Variants in HMGXB4 observed in about 807,000 individuals in gnomAD.
HMGXB4 encodes HMG-box containing 4, also known as HMG domain-containing protein 4.
HMGXB4 carries 27 observed loss-of-function variants against 63.9 expected under a neutral mutation model. The ratio of observed to expected loss-of-function variants is 0.42; its 90% CI spans 0.31 to 0.58. HMGXB4 has a LOEUF of 0.58. HMGXB4 is among the 20% of genes least tolerant of loss of function. The pLI is 0.13. For missense variants in HMGXB4, 624 were observed against 700.7 expected (o/e 0.89, Z 1.24); for synonymous variants, 264 against 265.3 (o/e 0.99, Z 0.05).
At chr22:35,253,620 T>C (rs913467524), upstream of HMGXB4, among the ~76,000 whole-genome samples, 6 of 151,866 alleles carry the variant, frequency 4.0e-5, no homozygotes, top group African/African-American at 1.5e-4. Context: ...CGCGCGCGTG[T>C]GTGTGTGTGT....
intron 1 of HMGXB4, 196 bp from the exon 2 acceptor site, chr22:35,262,127 A>G (rs1922898268): frequency 2.5e-6 from 1 of 401,180 alleles, no homozygotes. Flanking sequence ...CATGACTGAA[A>G]TCTAATTAAG....
In HMGXB4 at chr22:35,293,771, A is replaced by T; in HGVS notation, c.*120A>T. ...AGGTTTTAAATTTTTATATCTATACATACATATATACATATATATATAATG... is the reference window on the plus strand; with the variant it reads ...AGGTTTTAAATTTTTATATCTATACTTACATATATACATATATATATAATG... On this transcript the variant is annotated 3_prime_UTR_variant, in exon 11 of 11. Coordinates refer to ENST00000216106, the MANE Select transcript of HMGXB4 (RefSeq NM_001003681.3). 1.9e-6 allele frequency: 1 copy of T among 533,060 alleles called. No homozygotes were observed. Among genetic ancestry groups the T allele is most frequent in the Non-Finnish European group, 3.3e-6 (1 of 299,230 alleles). The allele number at this position is 533,060 out of a possible 1,614,324, so 33.0% of individuals were successfully genotyped here.
intron 8 of HMGXB4, 56 bp from the exon 9 acceptor site, chr22:35,288,182 T>C: frequency 2.3e-6 from 3 of 1,311,292 alleles, no homozygotes; most frequent in Non-Finnish European, 3.0e-6. Context: ...AACAACTTTG[T>C]GTTGTTCAAG....
chr22:35,273,078 T>G (rs553534461), intron 5 of HMGXB4, among the ~76,000 whole-genome samples: 30 of 152,270 alleles, frequency 2.0e-4, no homozygotes, highest in African/African-American at 6.5e-4. Context: ...ACATTGTTGA[T>G]CTAATAAACA....
chr22:35,264,061 A>C (rs1457084285), intron 4 of HMGXB4, 187 bp downstream of exon 4: 7 of 1,544,300 alleles, frequency 4.5e-6, no homozygotes, highest in Non-Finnish European at 6.1e-6. Context: ...TGGAGGATTC[A>C]GCATAGAAGA....
rs750760130 is a variant in HMGXB4, at chr22:35,264,624, A to G, written c.260-24A>G. 3.3e-6 allele frequency: 5 copies of G among 1,507,658 alleles called. No homozygotes were observed. In the African/African-American group the frequency reaches 7.0e-5, roughly 21 times the overall value. The allele number at this position is 1,507,658 out of a possible 1,614,324, so 93.4% of individuals were successfully genotyped here. A position where few individuals can be genotyped will look rare whatever the true frequency, so the allele number is the denominator to read the frequency against. Reference sequence around the variant, plus strand: ...AGAAGTTGCTTCCCATCATATTGACAGTACTTCTCTTGATTATTTCTAGAT... The same window carrying G: ...AGAAGTTGCTTCCCATCATATTGACGGTACTTCTCTTGATTATTTCTAGAT... On this transcript the variant is annotated intron_variant, in intron 4 of 10. Coordinates refer to ENST00000216106, the MANE Select transcript of HMGXB4 (RefSeq NM_001003681.3).
At chr22:35,253,594 AT>A (rs1212505810), upstream of HMGXB4, among the ~76,000 whole-genome samples, 4 of 137,384 alleles carry the variant, frequency 2.9e-5, no homozygotes, top group Admixed American at 7.6e-5. Context: ...CTTCTCTTGG[AT>A]TTTGTGCGCG....
At position 35,265,597 on chromosome 22, in the gene HMGXB4, A is replaced by G. The variant is rs1357693056; in HGVS notation, c.1209A>G (p.Gly403=). The change falls in exon 5 of 11, where the codon GGA becomes GGG. Residue 403 remains glycine, a synonymous_variant. Transcript: ENST00000216106. ...AGAAGGACAAAGAGAGAGAGAGAGG[A>G]GAAAAGGTAAAGCATCTTTTAAGTG... ...KEEKDKERER[G]EKPKKKNMSA... 2 of 1,570,574 alleles carry G rather than the reference A, an allele frequency of 1.3e-6. No homozygotes were observed. Among genetic ancestry groups the G allele is most frequent in the Non-Finnish European group, 1.7e-6 (2 of 1,161,100 alleles).
rs1344524137 is a variant in HMGXB4, at chr22:35,283,994, G to A, written c.1248G>A (p.Val416=). ...AGAAGAACATGTCGGCCTACCAGGTGTTCTGTAAAGAGTATCGCGTGACCA... is the reference window on the plus strand; with the variant it reads ...AGAAGAACATGTCGGCCTACCAGGTATTCTGTAAAGAGTATCGCGTGACCA... ...PKKKNMSAYQ[V]FCKEYRVTIV... Residue 416 remains valine (V), a synonymous_variant, in exon 6 of 11, where the codon GTG becomes GTA. Transcript: ENST00000216106. 1.2e-6 allele frequency: 2 copies of A among 1,613,980 alleles called. No homozygotes were observed. The highest frequency in any genetic ancestry group is 1.6e-4 in the Middle Eastern group (1 of 6,084).
At chr22:35,252,304 T>C in the HMGXB4 span, among the ~76,000 whole-genome samples, 1 of 152,252 alleles carries the variant, frequency 6.6e-6, no homozygotes, top group East Asian at 1.9e-4. Flanking sequence ...AACTGTTGTA[T>C]AGCTGGTCTC....
intron 5 of HMGXB4, among the ~76,000 whole-genome samples, chr22:35,272,441 G>A (rs1034127888): frequency 1.3e-5 from 2 of 152,066 alleles, no homozygotes; most frequent in African/African-American, 4.8e-5. Flanking sequence ...TTGTTTGGTT[G>A]GTTGGTTGGT....
intron 5 of HMGXB4, among the ~76,000 whole-genome samples, chr22:35,269,072 T>A: frequency 6.6e-6 from 1 of 152,224 alleles, no homozygotes; most frequent in East Asian, 1.9e-4. Flanking sequence ...AAGGGAAGAC[T>A]GATGCTTAGA....
At chr22:35,267,148 A>ATATATAT (rs5845220) in intron 5 of HMGXB4, among the ~76,000 whole-genome samples, 3 of 118,716 alleles carry the variant, frequency 2.5e-5, no homozygotes, top group African/African-American at 4.2e-5. Flanking sequence ...GTGTGTGTGT[A>ATATATAT]TATATAATAT....
chr22:35,260,806 A>G (rs540520427), intron 1 of HMGXB4, among the ~76,000 whole-genome samples: 46 of 152,304 alleles, frequency 3.0e-4, no homozygotes, highest in Admixed American at 5.2e-4. Context: ...CTGTATGTAC[A>G]TTGTATTTTA....
intron 9 of HMGXB4, 64 bp downstream of exon 9, chr22:35,288,471 C>T (rs1172889841): frequency 1.4e-5 from 18 of 1,309,240 alleles, no homozygotes; most frequent in Non-Finnish European, 1.8e-5. Context: ...AATTTTGATT[C>T]ATTCACTCAT....
chr22:35,257,871 C>G (rs1922536305), intron 1 of HMGXB4, among the ~76,000 whole-genome samples: 1 of 151,964 alleles, frequency 6.6e-6, no homozygotes. Flanking sequence ...CGCCCCTCCC[C>G]CTGCCCGGGC....
Position 35,295,618 on chromosome 22 carries a change from C to CTGTAT in HMGXB4, c.*1971_*1972insTTGTA, listed in dbSNP as rs1296092873. ...AATTTGTACACATTTGTATAATAATCTGTACCTTGTGGTATTTGGTACTAT... is the reference window on the plus strand; with the variant it reads ...AATTTGTACACATTTGTATAATAATCTGTATTGTACCTTGTGGTATTTGGTACTAT... On this transcript the variant is annotated 3_prime_UTR_variant, in exon 11 of 11. Transcript: ENST00000216106. The CTGTAT allele has an allele frequency of 7.2e-5, 11 of 152,572 alleles. No individual in the cohort carries two copies. Among genetic ancestry groups the CTGTAT allele is most frequent in the Non-Finnish European group, 1.3e-4 (9 of 68,032 alleles). 9.5% of individuals were successfully genotyped at this position (152,572 alleles called of 1,614,324 possible). A position where few individuals can be genotyped will look rare whatever the true frequency, so the allele number is the denominator to read the frequency against.
chr22:35,259,397 A>G (rs1568993269), intron 1 of HMGXB4, among the ~76,000 whole-genome samples: 1 of 152,240 alleles, frequency 6.6e-6, no homozygotes, highest in Admixed American at 6.5e-5. Context: ...ACATTTGCCA[A>G]CATTTAATGT....
chr22:35,293,149 T>C (rs766116878), intron 10 of HMGXB4, 35 bp downstream of exon 10: 46 of 1,613,776 alleles, frequency 2.9e-5, no homozygotes, highest in South Asian at 2.7e-4. Flanking sequence ...GTCAGATCCA[T>C]TGGGCGTCAG....
Sources: allele counts gnomAD v4.1 joint callset (sites outside exome capture counted in the v4.1 genomes callset), GRCh38; gene constraint gnomAD v4.1.1; transcripts MANE v1.5; gene names NCBI Gene and HGNC (gene_info 2026-07-23, HGNC 2026-07-21).